The following SYN2 variants were observed in gnomAD, a reference collection of about 807,000 sequenced individuals.
SYN2 encodes the protein synapsin-2.
In SYN2, 19 loss-of-function variants were observed where a neutral mutation model predicts 50.9. That is an observed-to-expected ratio of 0.37 (90% CI 0.26 to 0.55). The LOEUF (loss-of-function observed/expected upper bound fraction) is 0.55. Among genes scored for constraint, SYN2 ranks in the 20% least tolerant of loss-of-function variants. The pLI, the probability that SYN2 is intolerant of heterozygous loss-of-function variation, is 0.81. For synonymous variants in SYN2, 255 were observed against 224.9 expected (o/e 1.13, Z -1.20); for missense variants, 587 against 576.4 (o/e 1.02, Z -0.19).
rs551962770 is a variant in SYN2 at position 12,137,247 on chromosome 3, CAAAAAAA to C, written c.378-3392_378-3386del. On this transcript the variant is annotated intron_variant, in intron 1 of 12. Transcript: ENST00000621198. ...CGCGCAACAGAGCAAGATCCTGTCTCAAAAAAAAAAAAAAAAAAGTCCGTACTGGGCA... is the reference window on the plus strand; with the variant it reads ...CGCGCAACAGAGCAAGATCCTGTCTCAAAAAAAAAAAGTCCGTACTGGGCA... 1.4e-3 allele frequency among the ~76,000 whole-genome samples: 137 copies of C among 97,886 alleles called. 1 individual carries two copies. The highest frequency in any genetic ancestry group is 9.3e-3 in the Admixed American group (88 of 9,412). The allele number at this position is 97,886 out of a possible 152,430, so 64.2% of individuals were successfully genotyped here.
At chr3:12,112,772 T>C (rs1696351191) in intron 1 of SYN2, among the ~76,000 whole-genome samples, 1 of 152,166 alleles carries the variant, frequency 6.6e-6, no homozygotes, top group African/African-American at 2.4e-5. Context: ...AAGTTCATTA[T>C]ACTATACCAC....
intron 3 of SYN2, 45 bp downstream of exon 3, chr3:12,142,041 G>A: frequency 1.3e-6 from 1 of 778,782 alleles, no homozygotes; most frequent in Non-Finnish European, 2.4e-6. Context: ...TGTCTCCAGA[G>A]TTACTACCTC....
intron 1 of SYN2, among the ~76,000 whole-genome samples, chr3:12,057,289 G>C (rs1223529839): frequency 5.3e-5 from 7 of 131,266 alleles, no homozygotes; most frequent in African/African-American, 1.9e-4. Context: ...AAGACTGTCT[G>C]TGTGTGTGTG....
At chr3:12,057,919 G>A (rs990211471) in intron 1 of SYN2, among the ~76,000 whole-genome samples, 1 of 152,138 alleles carries the variant, frequency 6.6e-6, no homozygotes, top group Non-Finnish European at 1.5e-5. Flanking sequence ...TTAGAGCATA[G>A]TATTTCATCG....
rs78898049 is a variant in SYN2 at position 12,190,375 on chromosome 3, C to T, written c.1614-115C>T. On this transcript the variant is annotated intron_variant, in intron 12 of 12. Transcript: ENST00000621198. ...CACTTCTGGCATTATCCTCCATCAC[C>T]TTGGTTTCCCAGGGAGGGAGTGGGG... The T allele has an allele frequency of 1.4e-3, 1,672 of 1,222,568 alleles. 4 individuals are homozygous for T. Among genetic ancestry groups the T allele is most frequent in the Admixed American group, 3.1e-3 (162 of 52,524 alleles). The allele number at this position is 1,222,568 out of a possible 1,614,324, so 75.7% of individuals were successfully genotyped here.
At chr3:12,032,497 C>T (rs1694402283) in intron 1 of SYN2, among the ~76,000 whole-genome samples, 1 of 66,620 alleles carries the variant, frequency 1.5e-5, no homozygotes, top group Non-Finnish European at 2.8e-5. Flanking sequence ...GTTCCATTCT[C>T]CGCATCACTT....
intron 1 of SYN2, among the ~76,000 whole-genome samples, chr3:12,099,088 G>A (rs915585451): frequency 1.3e-5 from 2 of 151,914 alleles, no homozygotes; most frequent in Non-Finnish European, 2.9e-5. Context: ...CAGAATTGAA[G>A]GGAAAAATTG....
chr3:12,152,079 C>A (rs866570602), intron 5 of SYN2, among the ~76,000 whole-genome samples: 2 of 152,136 alleles, frequency 1.3e-5, no homozygotes, highest in Non-Finnish European at 2.9e-5. Context: ...ATGGAGACTC[C>A]CTGCGAAGCA....
intron 1 of SYN2, among the ~76,000 whole-genome samples, chr3:12,064,489 GA>G (rs1388272999): frequency 6.6e-6 from 1 of 152,042 alleles, no homozygotes; most frequent in Non-Finnish European, 1.5e-5. Flanking sequence ...ATGTAGCTAA[GA>G]GAGTTCTAGT....
chr3:12,105,866 A>G (rs567353664), intron 1 of SYN2, among the ~76,000 whole-genome samples: 12 of 152,282 alleles, frequency 7.9e-5, no homozygotes, highest in African/African-American at 2.6e-4. Context: ...AGTAGACACT[A>G]TAAACTCATA....
In SYN2 at chr3:12,151,252, G is replaced by A. The variant is rs762270296; in HGVS notation, c.700G>A (p.Ala234Thr). ...TCTTTTGCAGTTTGCCCAGCTGGTC[G>A]CTATCTATAAGACACTGGGAGGAGA... ...DKPWVFAQLV[A>T]IYKTLGGEKF... The change falls in exon 5 of 13, where the codon GCT becomes ACT. Residue 234 changes from alanine to threonine, a missense_variant. Physicochemically the swap from Ala to Thr is moderately conservative, Grantham distance 58 (BLOSUM62 0). Coordinates refer to ENST00000621198, the MANE Select transcript of SYN2 (RefSeq NM_133625.6). The A allele has an allele frequency of 1.9e-6, 3 of 1,612,556 alleles. No individual in the cohort carries two copies. Among genetic ancestry groups the A allele is most frequent in the Middle Eastern group, 1.7e-4 (1 of 6,060 alleles).
intron 1 of SYN2, among the ~76,000 whole-genome samples, chr3:12,137,729 A>G (rs1696925956): frequency 6.6e-6 from 1 of 152,218 alleles, no homozygotes; most frequent in African/African-American, 2.4e-5. Flanking sequence ...TTTATGTAGC[A>G]TGCCATATGT....
chr3:12,056,959 G>A (rs902926222), intron 1 of SYN2, among the ~76,000 whole-genome samples: 1 of 152,130 alleles, frequency 6.6e-6, no homozygotes, highest in Non-Finnish European at 1.5e-5. Context: ...TGTTCTAACA[G>A]AACAAAAATG....
chr3:12,191,764 A>G lies in SYN2; in HGVS notation c.*1139A>G, dbSNP rs1698448375. Among the ~76,000 whole-genome samples, 1 of 152,180 alleles carries G rather than the reference A, an allele frequency of 6.6e-6. No individual in the cohort carries two copies. Among genetic ancestry groups the G allele is most frequent in the East Asian group, 1.9e-4 (1 of 5,202 alleles). ...CTCCCGGAGGAGTCAATTTAGACTC[A>G]CTTGCCTGGTCTATCATCAAGCTCC... On this transcript the variant is annotated 3_prime_UTR_variant, in exon 13 of 13. Transcript: ENST00000621198.
At chr3:12,072,432 C>A (rs1231174366) in intron 1 of SYN2, among the ~76,000 whole-genome samples, 1 of 152,058 alleles carries the variant, frequency 6.6e-6, no homozygotes, top group Non-Finnish European at 1.5e-5. Flanking sequence ...GCTATATTTT[C>A]TTTTCAGAAT....
In SYN2 at chr3:12,153,667, C is replaced by T. The variant is rs762591933; in HGVS notation, c.774+2341C>T. On this transcript the variant is annotated intron_variant, in intron 5 of 12. Coordinates refer to ENST00000621198, the MANE Select transcript of SYN2 (RefSeq NM_133625.6). ...AACAGCCAGTCTGTCCAGAGGCACT[C>T]GTTAGGGGCCGAGATGGTACAGGGT... is the stretch of plus-strand genomic sequence containing the variant. 1.1e-5 allele frequency: 17 copies of T among 1,614,070 alleles called. No individual in the cohort carries two copies. The Admixed American group carries it at 1.7e-4, about 16-fold the overall frequency.
intron 5 of SYN2, among the ~76,000 whole-genome samples, chr3:12,159,732 G>T (rs1360716201): frequency 6.6e-6 from 1 of 152,118 alleles, no homozygotes; most frequent in Non-Finnish European, 1.5e-5. Flanking sequence ...TGTTCTAGAA[G>T]GTGGGACAGC....
chr3:12,159,104 A>C, intron 5 of SYN2: 1 of 456,098 alleles, frequency 2.2e-6, no homozygotes, highest in East Asian at 3.6e-5. Context: ...TGCCTAAGTC[A>C]TGAAGCGATC....
intron 5 of SYN2, among the ~76,000 whole-genome samples, chr3:12,160,573 G>A (rs1287431855): frequency 1.3e-5 from 2 of 152,216 alleles, no homozygotes; most frequent in Non-Finnish European, 2.9e-5. Context: ...TAGCATCCAG[G>A]CTGGTTCTTC....
Sources: gnomAD v4.1 joint callset for allele counts (sites outside exome capture counted in the v4.1 genomes callset) on GRCh38, gnomAD v4.1.1 for gene constraint, MANE v1.5 for transcripts, NCBI Gene and HGNC (gene_info 2026-07-23, HGNC 2026-07-21) for gene names.